LYZL2: variants seen among roughly 807,000 people sequenced by gnomAD.
LYZL2 encodes lysozyme like 2, also known as lysozyme-like protein 2.
In LYZL2, 13 loss-of-function variants were observed where a neutral mutation model predicts 17.1. The ratio of observed to expected loss-of-function variants is 0.76; its 90% CI spans 0.49 to 1.21. The LOEUF is 1.21. LYZL2 is among the 50% of genes most tolerant of loss of function. LYZL2 has a pLI of 0.00. For missense variants in LYZL2, 166 were observed against 189.2 expected, an observed-to-expected ratio of 0.88 and a Z score of 0.72; for synonymous variants, 63 against 74.4, an observed-to-expected ratio of 0.85 and a Z score of 0.79.
downstream of LYZL2, among the ~76,000 whole-genome samples, chr10:30,611,556 AAGGAAGGAAGGAAG>A (rs1564405778): frequency 7.6e-3 from 765 of 100,008 alleles, 3 homozygotes; most frequent in Middle Eastern, 0.017. Context: ...GGAAGGAAGG[AAGGAAGGAAGGAAG>A]GAAAGAAAGA....
Position 30,611,927 on chromosome 10 carries a change from T to G in LYZL2, c.*28A>C, listed in dbSNP as rs1172686929. ...TTCACTGCAAACCCTAGGGCGTTGC[T>G]GCAAAGCATCCTGGGTCCAGTTCCA... On this transcript the variant is annotated 3_prime_UTR_variant, in exon 5 of 5. Coordinates refer to ENST00000647634, the MANE Select transcript of LYZL2 (RefSeq NM_183058.3). 1.2e-6 allele frequency: 2 copies of G among 1,614,192 alleles called. No homozygotes were observed. Among genetic ancestry groups the G allele is most frequent in the East Asian group, 2.2e-5 (1 of 44,884 alleles).
downstream of LYZL2, among the ~76,000 whole-genome samples, chr10:30,609,044 T>C (rs1165574730): frequency 2.0e-5 from 3 of 152,214 alleles, no homozygotes; most frequent in Admixed American, 6.5e-5. Flanking sequence ...CTCATTGTGC[T>C]GCCCAGGCTG....
intron 3 of LYZL2, among the ~76,000 whole-genome samples, chr10:30,616,118 A>G (rs1056265270): frequency 6.6e-6 from 1 of 152,162 alleles, no homozygotes; most frequent in Non-Finnish European, 1.5e-5. Flanking sequence ...TGAAAGTGGA[A>G]TTTTTCCTTG....
At chr10:30,625,834 A>G (rs1485065992) in intron 3 of LYZL2, among the ~76,000 whole-genome samples, 21 of 152,258 alleles carry the variant, frequency 1.4e-4, no homozygotes, top group Non-Finnish European at 1.5e-5. Flanking sequence ...ATCTCTATAC[A>G]TGAAAGCACA....
At chr10:30,616,885 AGT>A (rs1838535880) in intron 3 of LYZL2, among the ~76,000 whole-genome samples, 2 of 18,424 alleles carry the variant, frequency 1.1e-4, no homozygotes, top group African/African-American at 7.8e-4. Context: ...TAATTTTTCT[AGT>A]AATTATTTAC....
chr10:30,609,147 ATAT>A (rs1420904833), downstream of LYZL2, among the ~76,000 whole-genome samples: 1 of 152,152 alleles, frequency 6.6e-6, no homozygotes, highest in Admixed American at 6.6e-5. Context: ...CCAACATCTA[ATAT>A]TTTTGAATGT....
At chr10:30,616,711 T>A (rs1472910029) in intron 3 of LYZL2, among the ~76,000 whole-genome samples, 1 of 152,190 alleles carries the variant, frequency 6.6e-6, no homozygotes, top group African/African-American at 2.4e-5. Context: ...TACCATTTTA[T>A]CCCCATAAAC....
At chr10:30,606,787 C>A (rs1319491195), downstream of LYZL2, among the ~76,000 whole-genome samples, 1 of 152,084 alleles carries the variant, frequency 6.6e-6, no homozygotes, top group African/African-American at 2.4e-5. Context: ...GGACAGAGGA[C>A]CTGGAGCTAC....
intron 3 of LYZL2, among the ~76,000 whole-genome samples, chr10:30,625,107 A>T (rs1385283598): frequency 6.6e-6 from 1 of 152,100 alleles, no homozygotes; most frequent in Admixed American, 6.6e-5. Context: ...TTTCCTACAG[A>T]GCCTCCAGAA....
intron 3 of LYZL2, 123 bp downstream of exon 3, chr10:30,625,982 G>A: frequency 6.9e-7 from 1 of 1,440,996 alleles, no homozygotes; most frequent in East Asian, 2.3e-5. Flanking sequence ...TACCAATCTT[G>A]AACAGACCTA....
At chr10:30,618,833 A>C (rs1031664026) in intron 3 of LYZL2, among the ~76,000 whole-genome samples, 7 of 152,346 alleles carry the variant, frequency 4.6e-5, no homozygotes, top group South Asian at 4.1e-4. Context: ...AATGGGATCT[A>C]ATTAAACTAA....
At chr10:30,627,930 C>T (rs1227722891) in intron 1 of LYZL2, among the ~76,000 whole-genome samples, 5 of 152,158 alleles carry the variant, frequency 3.3e-5, no homozygotes, top group East Asian at 1.9e-4. Context: ...GAGGCCGAGA[C>T]GGGCGGATCA....
chr10:30,615,088 G>T (rs1838506155), intron 3 of LYZL2, among the ~76,000 whole-genome samples: 2 of 152,146 alleles, frequency 1.3e-5, no homozygotes, highest in South Asian at 4.2e-4. Context: ...AGCTGTATTG[G>T]CTAATGCCAA....
Position 30,629,648 on chromosome 10 carries a change from C to G in LYZL2, c.-81G>C, listed in dbSNP as rs755014154. ...GAGGCTGACTTCTCAGTTGAGTCTG[C>G]GGAAGAAACACTGCTCCACTTAGTC... is the stretch of plus-strand genomic sequence containing the variant. On this transcript the variant is annotated 5_prime_UTR_variant, in exon 1 of 5. Transcript: ENST00000647634. 1.2e-6 allele frequency: 2 copies of G among 1,614,170 alleles called. No individual in the cohort carries two copies.
chr10:30,616,460 A>G (rs388365), intron 3 of LYZL2, among the ~76,000 whole-genome samples: 104,150 of 152,182 alleles, frequency 0.68, 36,488 homozygotes, highest in African/African-American at 0.78. Context: ...TGAGGCGGGC[A>G]GATCGCCAGG....
downstream of LYZL2, among the ~76,000 whole-genome samples, chr10:30,610,802 A>G (rs529559988): frequency 2.6e-5 from 4 of 152,226 alleles, no homozygotes; most frequent in Admixed American, 2.6e-4. Context: ...AAGATATGTC[A>G]TGGAAAACTT....
intron 3 of LYZL2, among the ~76,000 whole-genome samples, chr10:30,622,617 A>T: frequency 6.6e-6 from 1 of 152,192 alleles, no homozygotes; most frequent in Non-Finnish European, 1.5e-5. Flanking sequence ...ATTAAATGCA[A>T]ACGGCCTAAT....
At chr10:30,611,061 G>A (rs1457724947), downstream of LYZL2, among the ~76,000 whole-genome samples, 2 of 152,066 alleles carry the variant, frequency 1.3e-5, no homozygotes, top group African/African-American at 4.8e-5. Flanking sequence ...TGTTTCTGAG[G>A]ATGGCCCTGA....
At chr10:30,613,311 A>G (rs1301840792) in intron 3 of LYZL2, among the ~76,000 whole-genome samples, 1 of 152,174 alleles carries the variant, frequency 6.6e-6, no homozygotes, top group Non-Finnish European at 1.5e-5. Context: ...AGTCTGGGCA[A>G]CATAGCAAGA....
Sources: gnomAD v4.1 joint callset for allele counts (sites outside exome capture counted in the v4.1 genomes callset) on GRCh38, gnomAD v4.1.1 for gene constraint, MANE v1.5 for transcripts, NCBI Gene and HGNC (gene_info 2026-07-23, HGNC 2026-07-21) for gene names.